The following KIF13A variants were observed in gnomAD, a reference collection of about 807,000 sequenced individuals.
The protein encoded by KIF13A is kinesin family member 13A, also known as kinesin-like protein KIF13A.
Under a neutral mutation model 212.2 loss-of-function variants are expected in KIF13A, and 79 were observed. That is an observed-to-expected ratio of 0.37 (90% CI 0.31 to 0.45). The LOEUF (loss-of-function observed/expected upper bound fraction) is 0.45. KIF13A is among the 20% of genes least tolerant of loss of function. KIF13A has a pLI of 1.00. For synonymous variants in KIF13A, 789 were observed against 808.6 expected, an observed-to-expected ratio of 0.98 and a Z score of 0.41; for missense variants, 1,901 against 2,209.0, an observed-to-expected ratio of 0.86 and a Z score of 2.79.
At position 17,862,816 on chromosome 6, in the gene KIF13A, C is replaced by T. The variant is rs183283643; in HGVS notation, c.221-6694G>A. Among the ~76,000 whole-genome samples the T allele has an allele frequency of 3.2e-3, 489 of 152,154 alleles. 4 individuals carry two copies. The highest frequency in any genetic ancestry group is 9.3e-3 in the African/African-American group (386 of 41,530). On this transcript the variant is annotated intron_variant, in intron 4 of 38. Coordinates refer to ENST00000259711, the MANE Select transcript of KIF13A (RefSeq NM_022113.6). ...ATAAAAAATTAGCTGGGCATGGTGG[C>T]GGGTGCCTGTAGTCCCAGCTACTCG...
At chr6:17,814,704 T>C (rs953845552) in intron 17 of KIF13A, among the ~76,000 whole-genome samples, 6 of 152,202 alleles carry the variant, frequency 3.9e-5, no homozygotes, top group African/African-American at 1.4e-4. Flanking sequence ...ACAGGGATAA[T>C]AGTTCCTATG....
rs777478517 is a variant in KIF13A, at chr6:17,773,741, G to A, written c.4219-158C>T. Among the ~76,000 whole-genome samples, 8 of 151,836 alleles carry A rather than the reference G, an allele frequency of 5.3e-5. No homozygotes were observed. Among genetic ancestry groups the A allele is most frequent in the South Asian group, 2.1e-4 (1 of 4,810 alleles). Reference sequence around the variant, plus strand: ...AAATATACAGAAAGGGCTGAATATCGTAAAAAATACTGTCATATCCAAGGT... The same window carrying A: ...AAATATACAGAAAGGGCTGAATATCATAAAAAATACTGTCATATCCAAGGT... On this transcript the variant is annotated intron_variant, in intron 35 of 38. Transcript: ENST00000259711. The surrounding 1 kb of genome is among the most constrained non-coding windows in gnomAD (Gnocchi z 4.2).
In KIF13A at chr6:17,834,422, C is replaced by T. The variant is rs376525489; in HGVS notation, c.1156-351G>A. ...TAAGCAGACTTCTTTTTCAATAAGACGGAGGTTAACACTCATCATCAATAA... is the reference window on the plus strand; with the variant it reads ...TAAGCAGACTTCTTTTTCAATAAGATGGAGGTTAACACTCATCATCAATAA... On this transcript the variant is annotated intron_variant, in intron 11 of 38. Transcript: ENST00000259711. The surrounding 1 kb of genome is among the most constrained non-coding windows in gnomAD (Gnocchi z 4.0). 7.4e-4 allele frequency among the ~76,000 whole-genome samples: 112 copies of T among 152,252 alleles called. No homozygotes were observed. The highest frequency in any genetic ancestry group is 1.3e-3 in the African/African-American group (53 of 41,560).
rs1040265888 is a variant in KIF13A, at chr6:17,914,622, C to T, written c.147-16442G>A. 2.3e-4 allele frequency among the ~76,000 whole-genome samples: 35 copies of T among 152,066 alleles called. No homozygotes were observed. Among genetic ancestry groups the T allele is most frequent in the Non-Finnish European group, 1.6e-4 (11 of 68,028 alleles). ...GTCCTTCTGAAAAACAACACAGAGACGACTCTAGTCACGGGTCACAGGCAT... is the reference window on the plus strand; with the variant it reads ...GTCCTTCTGAAAAACAACACAGAGATGACTCTAGTCACGGGTCACAGGCAT... On this transcript the variant is annotated intron_variant, in intron 2 of 38. Coordinates refer to ENST00000259711, the MANE Select transcript of KIF13A (RefSeq NM_022113.6). The surrounding 1 kb of genome is among the most constrained non-coding windows in gnomAD (Gnocchi z 5.9).
chr6:17,919,815 T>C lies in KIF13A; in HGVS notation c.147-21635A>G, dbSNP rs1021810571. ...CCATGTGGAAAATAATGGATGCTCA[T>C]GATGACATCCAGCAGCCTCTGGCTC... On this transcript the variant is annotated intron_variant, in intron 2 of 38. Coordinates refer to ENST00000259711, the MANE Select transcript of KIF13A (RefSeq NM_022113.6). This position sits in a 1 kb window ranked among gnomAD's most constrained non-coding sequence, Gnocchi z 4.1. Among the ~76,000 whole-genome samples, 1 of 152,190 alleles carries C rather than the reference T, an allele frequency of 6.6e-6. No individual in the cohort carries two copies. The highest frequency in any genetic ancestry group is 2.4e-5 in the African/African-American group (1 of 41,424).
In KIF13A at chr6:17,897,322, T is replaced by C. The variant is rs1772660244; in HGVS notation, c.159+846A>G. Among the ~76,000 whole-genome samples, 1 of 152,196 alleles carries C rather than the reference T, an allele frequency of 6.6e-6. No homozygotes were observed. Among genetic ancestry groups the C allele is most frequent in the African/African-American group, 2.4e-5 (1 of 41,442 alleles). On this transcript the variant is annotated intron_variant, in intron 3 of 38. Coordinates refer to ENST00000259711, the MANE Select transcript of KIF13A (RefSeq NM_022113.6). The surrounding 1 kb of genome is among the most constrained non-coding windows in gnomAD (Gnocchi z 4.8). ...TATAATTTGTGTAGGTAAAGCCTGTTCTAATCCTATCTCAAGAACCACAGC... is the reference window on the plus strand; with the variant it reads ...TATAATTTGTGTAGGTAAAGCCTGTCCTAATCCTATCTCAAGAACCACAGC...
At chr6:17,937,124 G>A (rs1247285965) in intron 2 of KIF13A, among the ~76,000 whole-genome samples, 2 of 152,194 alleles carry the variant, frequency 1.3e-5, no homozygotes, top group African/African-American at 2.4e-5. Context: ...GCTGCAGTGA[G>A]CTCAACCGCA....
downstream of KIF13A, chr6:17,760,092 A>G (rs1310259933): frequency 6.6e-6 from 1 of 152,250 alleles, no homozygotes; most frequent in Non-Finnish European, 1.5e-5. Flanking sequence ...CTTATGAAAC[A>G]AAGGACAGAG....
intron 3 of KIF13A, among the ~76,000 whole-genome samples, chr6:17,880,070 G>A (rs1018310721): frequency 2.0e-5 from 3 of 152,092 alleles, no homozygotes; most frequent in Non-Finnish European, 4.4e-5. Flanking sequence ...CAGCTCAAGC[G>A]ATCCTCCCAA....
intron 2 of KIF13A, among the ~76,000 whole-genome samples, chr6:17,969,368 T>G (rs1459778858): frequency 6.6e-6 from 1 of 152,238 alleles, no homozygotes; most frequent in Non-Finnish European, 1.5e-5. Flanking sequence ...TTAGACATAG[T>G]ATATACTCAC....
intron 2 of KIF13A, among the ~76,000 whole-genome samples, chr6:17,931,162 AG>A (rs1205385139): frequency 1.3e-5 from 2 of 152,310 alleles, no homozygotes; most frequent in Admixed American, 6.5e-5. Flanking sequence ...TGCTATTTCT[AG>A]TGCTAGAGTT....
In KIF13A at chr6:17,772,805, C is replaced by CT. The variant is rs35738577; in HGVS notation, c.4324+672dup. Reference sequence around the variant, plus strand: ...ACTGTGTAAATTTTCTTGCGAGCCTCTTTTTTTCCCCCTCAGGCCACCCTG... The same window carrying CT: ...ACTGTGTAAATTTTCTTGCGAGCCTCTTTTTTTTCCCCCTCAGGCCACCCTG... On this transcript the variant is annotated intron_variant, in intron 36 of 38. Coordinates refer to ENST00000259711, the MANE Select transcript of KIF13A (RefSeq NM_022113.6). This position sits in a 1 kb window ranked among gnomAD's most constrained non-coding sequence, Gnocchi z 4.8. Among the ~76,000 whole-genome samples the CT allele has an allele frequency of 1.3e-5, 2 of 151,966 alleles. No individual in the cohort carries two copies. The highest frequency in any genetic ancestry group is 2.9e-5 in the Non-Finnish European group (2 of 67,996).
Position 17,776,033 on chromosome 6 carries a change from G to A in KIF13A, c.4171-971C>T, listed in dbSNP as rs998809135. Among the ~76,000 whole-genome samples, 4 of 151,824 alleles carry A rather than the reference G, an allele frequency of 2.6e-5. No individual in the cohort carries two copies. The highest frequency in any genetic ancestry group is 5.9e-5 in the Non-Finnish European group (4 of 67,946). On this transcript the variant is annotated intron_variant, in intron 34 of 38. Transcript: ENST00000259711. The surrounding 1 kb of genome is among the most constrained non-coding windows in gnomAD (Gnocchi z 4.6). ...AGCTGGGATTACAGGCACCTGCCACGATGCCCAGCTAATTTTGTATTTTTA... is the reference window on the plus strand; with the variant it reads ...AGCTGGGATTACAGGCACCTGCCACAATGCCCAGCTAATTTTGTATTTTTA...
intron 25 of KIF13A, among the ~76,000 whole-genome samples, chr6:17,790,446 T>C (rs1191299031): frequency 6.6e-6 from 1 of 152,088 alleles, no homozygotes; most frequent in Non-Finnish European, 1.5e-5. Context: ...TAGCTGGAGA[T>C]AGGAACCAAC....
Position 17,961,722 on chromosome 6 carries a change from T to C in KIF13A, c.146+25332A>G, listed in dbSNP as rs1778830322. ...TATAACAGTTATTTTCCTGTTTGCA[T>C]GGGCTTCTAGGATCCTCCAGCCAAG... On this transcript the variant is annotated intron_variant, in intron 2 of 38. Coordinates refer to ENST00000259711, the MANE Select transcript of KIF13A (RefSeq NM_022113.6). The surrounding 1 kb of genome is among the most constrained non-coding windows in gnomAD (Gnocchi z 4.1). 6.6e-6 allele frequency among the ~76,000 whole-genome samples: 1 copy of C among 152,232 alleles called. No individual in the cohort carries two copies. The highest frequency in any genetic ancestry group is 1.5e-5 in the Non-Finnish European group (1 of 68,046).
chr6:17,780,468 C>A (rs1326917555), intron 31 of KIF13A, among the ~76,000 whole-genome samples: 3 of 152,210 alleles, frequency 2.0e-5, no homozygotes, highest in African/African-American at 4.8e-5. Flanking sequence ...TTCTACTTTT[C>A]AAACAGTGAA....
intron 18 of KIF13A, among the ~76,000 whole-genome samples, chr6:17,808,428 C>T (rs188560805): frequency 1.1e-4 from 16 of 148,278 alleles, no homozygotes; most frequent in Non-Finnish European, 1.8e-4. Context: ...TCAGGTACTA[C>T]AGCCTACATG....
At position 17,787,652 on chromosome 6, in the gene KIF13A, AAACAAC is replaced by A; in HGVS notation, c.3361+118_3361+123del. 1 of 572,814 alleles carries A rather than the reference AAACAAC, an allele frequency of 1.7e-6. No individual in the cohort carries two copies. The highest frequency in any genetic ancestry group is 2.9e-5 in the East Asian group (1 of 34,392). 35.5% of individuals were successfully genotyped at this position (572,814 alleles called of 1,614,324 possible). On this transcript the variant is annotated intron_variant, in intron 27 of 38. Coordinates refer to ENST00000259711, the MANE Select transcript of KIF13A (RefSeq NM_022113.6). The surrounding 1 kb of genome is among the most constrained non-coding windows in gnomAD (Gnocchi z 4.6). The stretch of plus-strand genomic sequence containing the variant: ...GGTGACAGAGTGAGACCCTGTCTTA[AAACAAC>A]AACAACAACAACAACAAAAATAAGA...
At position 17,897,586 on chromosome 6, in the gene KIF13A, G is replaced by T. The variant is rs1297458500; in HGVS notation, c.159+582C>A. Among the ~76,000 whole-genome samples, 1 of 152,176 alleles carries T rather than the reference G, an allele frequency of 6.6e-6. No homozygotes were observed. Among genetic ancestry groups the T allele is most frequent in the Non-Finnish European group, 1.5e-5 (1 of 68,034 alleles). On this transcript the variant is annotated intron_variant, in intron 3 of 38. Transcript: ENST00000259711. This position sits in a 1 kb window ranked among gnomAD's most constrained non-coding sequence, Gnocchi z 4.8. ...TCAAAGGTTGGCCAGAGCAGGTGGG[G>T]AAAAAACTAACTAGTGGCCATTGTG...
Sources: gnomAD v4.1 joint callset for allele counts (sites outside exome capture counted in the v4.1 genomes callset) on GRCh38, gnomAD v4.1.1 for gene constraint, Gnocchi (gnomAD v3.1) non-coding constraint, MANE v1.5 for transcripts, NCBI Gene and HGNC (gene_info 2026-07-23, HGNC 2026-07-21) for gene names.